The following LPAR1 variants were observed in gnomAD, a reference collection of about 807,000 sequenced individuals.
LPAR1 encodes the protein LPA receptor 1.
Under a neutral mutation model 23.8 loss-of-function variants are expected in LPAR1, and 5 were observed. The observed-to-expected ratio is 0.21, with a 90% CI of 0.11 to 0.44. The LOEUF is 0.44. Ranked by LOEUF, LPAR1 falls within the 20% of genes least tolerant of loss-of-function variation. The probability of loss-of-function intolerance (pLI) is 0.99; values close to 1 mark genes in which losing one functional copy is unlikely to be tolerated. For missense variants in LPAR1, 311 were observed against 482.8 expected, an observed-to-expected ratio of 0.64 and a Z score of 3.33; for synonymous variants, 160 against 164.7, an observed-to-expected ratio of 0.97 and a Z score of 0.22.
At chr9:110,961,403 C>T (rs1243554226) in intron 4 of LPAR1, among the ~76,000 whole-genome samples, 1 of 151,444 alleles carries the variant, frequency 6.6e-6, no homozygotes, top group Non-Finnish European at 1.5e-5. Flanking sequence ...GGTGGATCAC[C>T]TGAGGTCAGG....
chr9:111,038,801 T>C (rs114917248), upstream of LPAR1: 3,132 of 326,904 alleles, frequency 9.6e-3, 84 homozygotes, highest in African/African-American at 0.062. The surrounding 1 kb of genome is among the most constrained non-coding windows in gnomAD (Gnocchi z 4.4). Flanking sequence ...CGCCCCCGAG[T>C]CGACACACCC....
chr9:110,971,004 G>T (rs1048492140), intron 4 of LPAR1, among the ~76,000 whole-genome samples: 1 of 152,028 alleles, frequency 6.6e-6, no homozygotes, highest in Non-Finnish European at 1.5e-5. Context: ...GCGTGGTGGC[G>T]GGCGCCTGTA....
intron 2 of LPAR1, among the ~76,000 whole-genome samples, chr9:111,031,882 G>A (rs531825882): frequency 3.3e-5 from 5 of 152,284 alleles, no homozygotes; most frequent in African/African-American, 1.2e-4. Flanking sequence ...TCACCTCAAA[G>A]TATTGAGACT....
chr9:110,987,822 T>C (rs1443154880), intron 2 of LPAR1, among the ~76,000 whole-genome samples: 2 of 150,582 alleles, frequency 1.3e-5, no homozygotes, highest in Non-Finnish European at 3.0e-5. Flanking sequence ...GTAACTGGAG[T>C]CCCCAAAGCA....
chr9:111,025,179 A>T (rs1240374597), intron 2 of LPAR1, among the ~76,000 whole-genome samples: 1 of 152,082 alleles, frequency 6.6e-6, no homozygotes, highest in Non-Finnish European at 1.5e-5. Flanking sequence ...GTATAAAAGC[A>T]TTCCTATTTC....
intron 5 of LPAR1, among the ~76,000 whole-genome samples, chr9:110,896,043 A>C (rs1259908959): frequency 6.6e-6 from 1 of 152,202 alleles, no homozygotes; most frequent in Non-Finnish European, 1.5e-5. Context: ...AAGCTGGGTC[A>C]ATTCCTTTGT....
At chr9:110,935,324 C>T (rs183745386) in intron 5 of LPAR1, among the ~76,000 whole-genome samples, 1 of 151,692 alleles carries the variant, frequency 6.6e-6, no homozygotes, top group East Asian at 1.9e-4. Context: ...GTCTCGGTCT[C>T]TTCATTTGTA....
intron 4 of LPAR1, among the ~76,000 whole-genome samples, chr9:110,951,948 A>G (rs73657211): frequency 0.016 from 2,453 of 152,352 alleles, 64 homozygotes; most frequent in African/African-American, 0.054. Flanking sequence ...GCTAATGACT[A>G]AAGCAATTTG....
chr9:110,890,229 T>C (rs1204485239), intron 5 of LPAR1, among the ~76,000 whole-genome samples: 1 of 152,116 alleles, frequency 6.6e-6, no homozygotes, highest in South Asian at 2.1e-4. Flanking sequence ...ACTATGACAA[T>C]TGATGTAATA....
intron 2 of LPAR1, among the ~76,000 whole-genome samples, chr9:110,986,981 G>A (rs969399133): frequency 6.6e-6 from 1 of 152,106 alleles, no homozygotes; most frequent in Admixed American, 6.6e-5. Context: ...GCGCTCAAAT[G>A]TATTTCTGGT....
chr9:111,026,993 T>A (rs1209102987), intron 2 of LPAR1, among the ~76,000 whole-genome samples: 3 of 152,214 alleles, frequency 2.0e-5, no homozygotes, highest in Admixed American at 6.5e-5. Context: ...ATTTTCTTTT[T>A]TTGTTGTGTC....
chr9:110,998,469 G>A (rs1469131414), intron 2 of LPAR1, among the ~76,000 whole-genome samples: 4 of 152,268 alleles, frequency 2.6e-5, no homozygotes, highest in East Asian at 1.9e-4. Context: ...CTGAAACACC[G>A]TGGACCAGTG....
chr9:110,928,381 A>G (rs2094182234), intron 5 of LPAR1, among the ~76,000 whole-genome samples: 1 of 152,222 alleles, frequency 6.6e-6, no homozygotes, highest in African/African-American at 2.4e-5. Context: ...CGCTAATATA[A>G]CATAACTACA....
At position 111,019,762 on chromosome 9, in the gene LPAR1, G is replaced by A. The variant is rs182483837; in HGVS notation, c.-182+16360C>T. ...CAGGAGGCTGAGGCAGGAGAATGGC[G>A]TGAACCTGGGAGGTGGAGATTGCAG... On this transcript the variant is annotated intron_variant, in intron 2 of 5. Coordinates refer to ENST00000683809, the MANE Select transcript of LPAR1 (RefSeq NM_001351411.2). Among the ~76,000 whole-genome samples the A allele has an allele frequency of 1.8e-4, 28 of 152,162 alleles. 1 individual carries two copies. The East Asian group carries it at 3.9e-3, about 21-fold the overall frequency.
intron 5 of LPAR1, among the ~76,000 whole-genome samples, chr9:110,882,183 C>A (rs2081058563): frequency 6.6e-6 from 1 of 152,176 alleles, no homozygotes; most frequent in Non-Finnish European, 1.5e-5. Flanking sequence ...TATTTATACC[C>A]AAAATTATTG....
intron 5 of LPAR1, among the ~76,000 whole-genome samples, chr9:110,899,248 C>T (rs10980624): frequency 6.6e-6 from 1 of 152,038 alleles, no homozygotes; most frequent in Admixed American, 6.6e-5. Context: ...AAATGGCTAT[C>T]TTTTTTCATA....
At position 110,972,185 on chromosome 9, in the gene LPAR1, G is replaced by A; in HGVS notation, c.-68C>T. On this transcript the variant is annotated 5_prime_UTR_variant, in exon 4 of 6. Coordinates refer to ENST00000683809, the MANE Select transcript of LPAR1 (RefSeq NM_001351411.2). ...CGGGAGACAAATTTTCTTGTTTGCT[G>A]ATCAGATCGAAGTCATGCTAGGAGA... 4 of 1,421,034 alleles carry A rather than the reference G, an allele frequency of 2.8e-6. No homozygotes were observed. Among genetic ancestry groups the A allele is most frequent in the Non-Finnish European group, 4.0e-6 (4 of 1,004,518 alleles). 88.0% of individuals were successfully genotyped at this position (1,421,034 alleles called of 1,614,324 possible). A position where few individuals can be genotyped will look rare whatever the true frequency, so the allele number is the denominator to read the frequency against.
At chr9:110,939,410 G>T (rs1442513302) in intron 5 of LPAR1, among the ~76,000 whole-genome samples, 1 of 152,138 alleles carries the variant, frequency 6.6e-6, no homozygotes, top group Non-Finnish European at 1.5e-5. Flanking sequence ...CCGTGACGGG[G>T]TTTTCCATGT....
At chr9:111,004,779 A>T (rs567123899) in intron 2 of LPAR1, among the ~76,000 whole-genome samples, 1 of 152,130 alleles carries the variant, frequency 6.6e-6, no homozygotes, top group Non-Finnish European at 1.5e-5. Context: ...ATCCATACCA[A>T]TCAATTCCAC....
Sources: gnomAD v4.1 joint callset for allele counts (sites outside exome capture counted in the v4.1 genomes callset) on GRCh38, gnomAD v4.1.1 for gene constraint, Gnocchi (gnomAD v3.1) non-coding constraint, MANE v1.5 for transcripts, NCBI Gene and HGNC (gene_info 2026-07-23, HGNC 2026-07-21) for gene names.